Variants in UPRT observed in about 807,000 individuals in gnomAD.
UPRT encodes RP11-311P8.3.
A neutral mutation model predicts 22.6 loss-of-function variants in UPRT; 5 were observed. The ratio of observed to expected loss-of-function variants is 0.22; its 90% CI spans 0.12 to 0.47. UPRT has a LOEUF of 0.47. UPRT is among the 20% of genes least tolerant of loss of function. The pLI, the probability that UPRT is intolerant of heterozygous loss-of-function variation, is 0.99. For missense variants in UPRT, 181 were observed against 239.9 expected (o/e 0.75, Z 1.62); for synonymous variants, 77 against 87.7 (o/e 0.88, Z 0.68).
At chrX:75,236,599 A>G (rs2082465571) in intron 4 of UPRT, among the ~76,000 whole-genome samples, 1 of 112,166 alleles carries the variant, frequency 8.9e-6, no homozygotes, top group South Asian at 3.7e-4. Flanking sequence ...ACCAAAAAAA[A>G]GATATAGATC....
chrX:75,266,821 A>G (rs761728237), intron 4 of UPRT, among the ~76,000 whole-genome samples: 1 of 112,108 alleles, frequency 8.9e-6, no homozygotes, highest in Admixed American at 9.5e-5. Context: ...TATGCAGCCA[A>G]CAGACACATG....
In UPRT at chrX:75,192,878, A is replaced by T. The variant is rs935204592; in HGVS notation, c.-447+24999A>T. Among the ~76,000 whole-genome samples, 3 of 111,780 alleles carry T rather than the reference A, an allele frequency of 2.7e-5. No individual in the cohort carries two copies. In the Admixed American group the frequency reaches 2.9e-4, roughly 11 times the overall value. ...CATTGCATGGGGGATGGGTCTCTTGAATACAGCATACCATTGTGTTTTGCT... is the reference window on the plus strand; with the variant it reads ...CATTGCATGGGGGATGGGTCTCTTGTATACAGCATACCATTGTGTTTTGCT... On this transcript the variant is annotated intron_variant, in intron 4 of 13. Transcript: ENST00000652605.
At chrX:75,211,200 G>T (rs903723022) in intron 4 of UPRT, among the ~76,000 whole-genome samples, 68 of 110,981 alleles carry the variant, frequency 6.1e-4, no homozygotes, top group Admixed American at 4.6e-3. Context: ...ACCCCAGAGG[G>T]GAGTGAATAC....
chrX:75,169,962 G>A (rs750674275), intron 4 of UPRT, among the ~76,000 whole-genome samples: 1 of 109,734 alleles, frequency 9.1e-6, no homozygotes, highest in East Asian at 2.9e-4. Flanking sequence ...ACTGTTAGGT[G>A]CATATATTCT....
At chrX:75,166,484 C>T (rs1044071540) in intron 3 of UPRT, among the ~76,000 whole-genome samples, 2 of 111,900 alleles carry the variant, frequency 1.8e-5, no homozygotes, top group Admixed American at 9.5e-5. Flanking sequence ...AAGGTGGGTT[C>T]ATGAGACTAT....
intron 4 of UPRT, among the ~76,000 whole-genome samples, chrX:75,235,132 C>G (rs183068159): frequency 8.9e-6 from 1 of 111,759 alleles, no homozygotes. Flanking sequence ...GAAATACAGA[C>G]TACCATCAGA....
intron 4 of UPRT, among the ~76,000 whole-genome samples, chrX:75,256,216 C>T (rs537867850): frequency 2.7e-5 from 3 of 111,886 alleles, no homozygotes; most frequent in East Asian, 5.6e-4. Flanking sequence ...AAGTAACCTT[C>T]AAAACTATGC....
At chrX:75,249,275 A>G (rs900565154) in intron 4 of UPRT, among the ~76,000 whole-genome samples, 9 of 111,824 alleles carry the variant, frequency 8.0e-5, no homozygotes, top group Non-Finnish European at 1.7e-4. Flanking sequence ...AATTGGATAA[A>G]GAGTCAAGAC....
chrX:75,261,592 T>G (rs1284095645), intron 4 of UPRT, among the ~76,000 whole-genome samples: 1 of 111,398 alleles, frequency 9.0e-6, no homozygotes, highest in African/African-American at 3.3e-5. Context: ...TGACTAGAGG[T>G]ACAAAGAGGA....
intron 3 of UPRT, among the ~76,000 whole-genome samples, chrX:75,165,718 A>G (rs2082211327): frequency 8.9e-6 from 1 of 112,047 alleles, no homozygotes; most frequent in African/African-American, 3.2e-5. Context: ...AATTTTTAAA[A>G]GTTTAATGAT....
intron 4 of UPRT, among the ~76,000 whole-genome samples, chrX:75,175,170 T>A (rs1012228730): frequency 4.5e-5 from 5 of 111,210 alleles, no homozygotes; most frequent in African/African-American, 1.3e-4. Context: ...GTGCAGGCAT[T>A]TTTTTGCCCT....
chrX:75,297,624 G>T lies in UPRT; in HGVS notation c.562+71G>T, dbSNP rs376444338. On this transcript the variant is annotated intron_variant, in intron 4 of 6. Coordinates refer to ENST00000373383, the MANE Select transcript of UPRT (RefSeq NM_145052.4). ...ATGGTTGCTGTTTTCCAGAAGAGAG[G>T]CAGGCTTGTCTGTCATAATTGCAGC... is the stretch of plus-strand genomic sequence containing the variant. 6.3e-5 allele frequency: 70 copies of T among 1,103,314 alleles called. No individual in the cohort carries two copies. In the East Asian group the frequency reaches 2.0e-3, roughly 31 times the overall value. The allele number at this position is 1,103,314 out of a possible 1,213,427, so 90.9% of individuals were successfully genotyped here.
chrX:75,284,024 G>T (rs2082669701), intron 1 of UPRT, among the ~76,000 whole-genome samples: 2 of 111,033 alleles, frequency 1.8e-5, no homozygotes, highest in African/African-American at 6.6e-5. Flanking sequence ...TGTTGGATTG[G>T]GTTAATTCAA....
At chrX:75,295,510 A>T (rs2082723014) in intron 2 of UPRT, among the ~76,000 whole-genome samples, 1 of 112,026 alleles carries the variant, frequency 8.9e-6, no homozygotes, top group African/African-American at 3.2e-5. Flanking sequence ...GGCTGACAAA[A>T]TCCTGGCTTA....
chrX:75,232,376 A>T (rs1400527696), intron 4 of UPRT, among the ~76,000 whole-genome samples: 1 of 112,576 alleles, frequency 8.9e-6, no homozygotes, highest in Non-Finnish European at 1.9e-5. Context: ...GGCGCCTGCC[A>T]TTGCCCAGGC....
Position 75,274,627 on chromosome X carries a change from A to T in UPRT, c.373A>T (p.Ile125Phe). 1 of 1,195,597 alleles carries T rather than the reference A, an allele frequency of 8.4e-7. No homozygotes were observed. Among genetic ancestry groups the T allele is most frequent in the Non-Finnish European group, 1.1e-6 (1 of 886,124 alleles). Reference protein sequence around the residue: ...MNDQIRELQTIIRDKTASRGD... With the variant: ...MNDQIRELQTFIRDKTASRGD... ...TGATCAGATACGGGAGCTACAGACC[A>T]TCATCCGTGACAAGTAAGCCAAGAG... The change falls in exon 1 of 7, where the codon ATC (isoleucine) becomes TTC (phenylalanine). Residue 125 changes from isoleucine to phenylalanine, a missense_variant. By Grantham distance (21) the Ile-to-Phe change is conservative. Coordinates refer to ENST00000373383, the MANE Select transcript of UPRT (RefSeq NM_145052.4).
Position 75,303,563 on chromosome X carries a change from T to A in UPRT, c.*52T>A, listed in dbSNP as rs2082751765. The stretch of plus-strand genomic sequence containing the variant: ...TGTAATATTACAATCATGTTTTGAT[T>A]TTCTATTTGTTTTACTGATTCACTT... On this transcript the variant is annotated 3_prime_UTR_variant, in exon 7 of 7. Coordinates refer to ENST00000373383, the MANE Select transcript of UPRT (RefSeq NM_145052.4). The A allele has an allele frequency of 1.0e-6, 1 of 997,842 alleles. No homozygotes were observed. Among genetic ancestry groups the A allele is most frequent in the Non-Finnish European group, 1.4e-6 (1 of 733,037 alleles). The allele number at this position is 997,842 out of a possible 1,213,427, so 82.2% of individuals were successfully genotyped here. A position where few individuals can be genotyped will look rare whatever the true frequency, so the allele number is the denominator to read the frequency against.
upstream of UPRT, among the ~76,000 whole-genome samples, chrX:75,272,749 A>T (rs1436055143): frequency 2.7e-5 from 3 of 110,778 alleles, no homozygotes; most frequent in Admixed American, 1.9e-4. Flanking sequence ...AAAAAAAATT[A>T]TAAAAAAATC....
At chrX:75,233,031 A>G (rs1341751686) in intron 4 of UPRT, among the ~76,000 whole-genome samples, 1 of 111,701 alleles carries the variant, frequency 9.0e-6, no homozygotes, top group East Asian at 2.8e-4. Context: ...GAAGTTGAAA[A>G]CTTTGAAAAA....
Sources: allele counts gnomAD v4.1 joint callset (sites outside exome capture counted in the v4.1 genomes callset), GRCh38; gene constraint gnomAD v4.1.1; transcripts MANE v1.5; gene names NCBI Gene and HGNC (gene_info 2026-07-23, HGNC 2026-07-21).